CSMD3: variants seen among roughly 807,000 people sequenced by gnomAD.
CSMD3 encodes the protein CUB and sushi domain-containing protein 3.
A neutral mutation model predicts 435.2 loss-of-function variants in CSMD3; 177 were observed. That is an observed-to-expected ratio of 0.41 (90% CI 0.36 to 0.46). The LOEUF is 0.46. Ranked by LOEUF, CSMD3 falls within the 20% of genes least tolerant of loss-of-function variation. The pLI, the probability that CSMD3 is intolerant of heterozygous loss-of-function variation, is 0.34. For missense variants in CSMD3, 4,265 were observed against 4,504.6 expected, an observed-to-expected ratio of 0.95 and a Z score of 1.52; for synonymous variants, 1,656 against 1,520.5, an observed-to-expected ratio of 1.09 and a Z score of -2.07.
At chr8:113,114,086 GTAGA>G (rs1195726228) in intron 4 of CSMD3, among the ~76,000 whole-genome samples, 4 of 152,206 alleles carry the variant, frequency 2.6e-5, no homozygotes, top group Admixed American at 6.5e-5. Flanking sequence ...AGGCAATGAG[GTAGA>G]TAGAGAAGTG....
chr8:113,118,284 C>T (rs1305173487), intron 4 of CSMD3, among the ~76,000 whole-genome samples: 4 of 152,120 alleles, frequency 2.6e-5, no homozygotes, highest in Non-Finnish European at 5.9e-5. Context: ...ATGAGGCTGA[C>T]TTATGGCATA....
intron 1 of CSMD3, among the ~76,000 whole-genome samples, chr8:113,383,174 G>A (rs893280688): frequency 2.6e-5 from 4 of 152,090 alleles, no homozygotes; most frequent in Non-Finnish European, 5.9e-5. Context: ...GTCTTAAGGA[G>A]TTCAAGTAGC....
At chr8:112,612,885 G>A (rs74616080) in intron 22 of CSMD3, among the ~76,000 whole-genome samples, 2,789 of 140,690 alleles carry the variant, frequency 0.02, 90 homozygotes, top group African/African-American at 0.072. Context: ...ACCACCATAC[G>A]TGGCTAATTA....
intron 1 of CSMD3, among the ~76,000 whole-genome samples, chr8:113,338,806 G>T (rs1167334718): frequency 6.6e-6 from 1 of 151,882 alleles, no homozygotes; most frequent in Non-Finnish European, 1.5e-5. Flanking sequence ...TCATATTGAT[G>T]CTTGCACAAC....
chr8:113,217,917 T>C (rs960327100), intron 3 of CSMD3, among the ~76,000 whole-genome samples: 2 of 150,706 alleles, frequency 1.3e-5, no homozygotes, highest in African/African-American at 4.9e-5. Flanking sequence ...ATAGGAAAGC[T>C]GTAAAGAATC....
At chr8:113,086,495 G>C (rs185858558) in intron 5 of CSMD3, among the ~76,000 whole-genome samples, 8 of 152,016 alleles carry the variant, frequency 5.3e-5, no homozygotes, top group African/African-American at 1.7e-4. Flanking sequence ...CAATATGACA[G>C]AGGCAAAATA....
intron 13 of CSMD3, among the ~76,000 whole-genome samples, chr8:112,782,607 A>T (rs1281501265): frequency 6.6e-6 from 1 of 152,126 alleles, no homozygotes; most frequent in Non-Finnish European, 1.5e-5. Flanking sequence ...TAAAACATCA[A>T]GCATATTTAA....
rs184267043 is a variant in CSMD3, at chr8:113,320,220, G to A, written c.179-5427C>T. ...GGCATTGCAACTTTTTCATAGATTC[G>A]TGTTTTACAATTTCTAAATGCCTTA... On this transcript the variant is annotated intron_variant, in intron 1 of 70. Coordinates refer to ENST00000297405, the MANE Select transcript of CSMD3 (RefSeq NM_198123.2). 5.1e-3 allele frequency among the ~76,000 whole-genome samples: 775 copies of A among 152,018 alleles called. 2 individuals are homozygous for A. Among genetic ancestry groups the A allele is most frequent in the African/African-American group, 0.016 (681 of 41,512 alleles).
intron 32 of CSMD3, among the ~76,000 whole-genome samples, chr8:112,416,955 A>G (rs1035908973): frequency 7.9e-5 from 12 of 152,120 alleles, no homozygotes; most frequent in African/African-American, 2.9e-4. Flanking sequence ...TTTTGATATA[A>G]AAGTCTTCAA....
chr8:112,932,275 T>C (rs751128715), intron 9 of CSMD3, among the ~76,000 whole-genome samples: 11 of 152,326 alleles, frequency 7.2e-5, no homozygotes, highest in Middle Eastern at 6.8e-3. Context: ...AATGAAATCC[T>C]ATCATATGCA....
At chr8:113,159,913 A>G (rs1194744684) in intron 4 of CSMD3, among the ~76,000 whole-genome samples, 2 of 151,924 alleles carry the variant, frequency 1.3e-5, no homozygotes, top group Non-Finnish European at 2.9e-5. Flanking sequence ...GCCTCTGTTC[A>G]CTATCCACTC....
At chr8:113,156,156 A>G (rs1224912582) in intron 4 of CSMD3, among the ~76,000 whole-genome samples, 1 of 152,094 alleles carries the variant, frequency 6.6e-6, no homozygotes, top group Non-Finnish European at 1.5e-5. Flanking sequence ...ATTTCTAGGA[A>G]AGGCACATTA....
chr8:112,677,675 T>G (rs2075798180), intron 16 of CSMD3, among the ~76,000 whole-genome samples: 1 of 151,890 alleles, frequency 6.6e-6, no homozygotes, highest in Non-Finnish European at 1.5e-5. Flanking sequence ...GAATGCACAA[T>G]TCAAGATATG....
chr8:112,929,747 A>T (rs867309287), intron 9 of CSMD3, among the ~76,000 whole-genome samples: 14 of 152,176 alleles, frequency 9.2e-5, no homozygotes, highest in Admixed American at 4.6e-4. Context: ...AGTGCTTTTG[A>T]AGGTTACTAG....
chr8:113,368,179 C>T (rs1237736242), intron 1 of CSMD3, among the ~76,000 whole-genome samples: 2 of 152,128 alleles, frequency 1.3e-5, no homozygotes, highest in African/African-American at 4.8e-5. Context: ...TACCAAACTT[C>T]TAAAGCAATA....
chr8:112,599,811 T>C (rs1832144658), intron 22 of CSMD3, among the ~76,000 whole-genome samples: 1 of 137,544 alleles, frequency 7.3e-6, no homozygotes, highest in Admixed American at 8.4e-5. Flanking sequence ...TAGGTGGGAA[T>C]TGAACAATGA....
intron 6 of CSMD3, among the ~76,000 whole-genome samples, chr8:112,981,855 G>C (rs1587820798): frequency 6.6e-6 from 1 of 151,650 alleles, no homozygotes. Flanking sequence ...GCCTTAAGGA[G>C]ACTACAGTTT....
chr8:112,795,138 T>C (rs1222062381), intron 13 of CSMD3, among the ~76,000 whole-genome samples: 1 of 152,178 alleles, frequency 6.6e-6, no homozygotes, highest in African/African-American at 2.4e-5. Context: ...ACTCATTCTT[T>C]AATACTACCA....
chr8:113,153,096 G>GAA (rs879450296), intron 4 of CSMD3, among the ~76,000 whole-genome samples: 3 of 83,558 alleles, frequency 3.6e-5, no homozygotes, highest in Non-Finnish European at 6.3e-5. Flanking sequence ...AAGAAAGAAA[G>GAA]AAAGAAAAGA....
Sources: allele counts gnomAD v4.1 joint callset (sites outside exome capture counted in the v4.1 genomes callset), GRCh38; gene constraint gnomAD v4.1.1; transcripts MANE v1.5; gene names NCBI Gene and HGNC (gene_info 2026-07-23, HGNC 2026-07-21).